The following SLC7A9 variants were observed in gnomAD, a reference collection of about 807,000 sequenced individuals.
SLC7A9 encodes B(0,+)-type amino acid transporter 1.
SLC7A9 carries 38 observed loss-of-function variants against 54.1 expected under a neutral mutation model. That is an observed-to-expected ratio of 0.70 (90% CI 0.54 to 0.92). The LOEUF is 0.92. Ranked by LOEUF, SLC7A9 falls within the 40% of genes least tolerant of loss-of-function variation. The pLI, the probability that SLC7A9 is intolerant of heterozygous loss-of-function variation, is 0.00. For synonymous variants in SLC7A9, 264 were observed against 258.9 expected, an observed-to-expected ratio of 1.02 and a Z score of -0.19; for missense variants, 537 against 636.1, an observed-to-expected ratio of 0.84 and a Z score of 1.68.
chr19:32,858,126 C>T (rs1001764001), intron 9 of SLC7A9, among the ~76,000 whole-genome samples: 7 of 152,218 alleles, frequency 4.6e-5, no homozygotes, highest in Admixed American at 3.3e-4. Flanking sequence ...GCCTCATTCA[C>T]GCGGTGTCGC....
In SLC7A9 at chr19:32,847,686, T is replaced by C. The variant is rs368720669; in HGVS notation, c.978-3735A>G. Among the ~76,000 whole-genome samples, 34 of 152,110 alleles carry C rather than the reference T, an allele frequency of 2.2e-4. 1 individual carries two copies. Among genetic ancestry groups the C allele is most frequent in the African/African-American group, 7.5e-4 (31 of 41,500 alleles). On this transcript the variant is annotated intron_variant, in intron 9 of 12. Coordinates refer to ENST00000023064, the MANE Select transcript of SLC7A9 (RefSeq NM_014270.5). ...ATTCAGATTCAGGAAATACAGAGAA[T>C]GCCACAAAGATACTCCTCGAGAAGG...
chr19:32,835,621 G>A (rs1272782561), intron 11 of SLC7A9, among the ~76,000 whole-genome samples: 2 of 152,054 alleles, frequency 1.3e-5, no homozygotes, highest in Non-Finnish European at 2.9e-5. Context: ...GAAAAAGGAG[G>A]AAAACTTTCA....
Position 32,842,274 on chromosome 19 carries a change from G to A in SLC7A9, c.1118C>T (p.Ser373Leu), listed in dbSNP as rs143618205. 10 of 1,613,794 alleles carry A rather than the reference G, an allele frequency of 6.2e-6. No individual in the cohort carries two copies. Among genetic ancestry groups the A allele is most frequent in the Admixed American group, 1.7e-5 (1 of 59,998 alleles). ...TIYIIPGDIN[S>L]LVNYFSFAAW... ...GGCAAAGCTGAAATAATTGACTAAC[G>A]AGTTTATGTCACCAGGGATGATATA... Residue 373 changes from serine to leucine, a missense_variant, in exon 11 of 13, where the codon TCG (serine) becomes TTG (leucine). Transcript: ENST00000023064.
At chr19:32,852,790 T>A (rs1968505525) in intron 9 of SLC7A9, among the ~76,000 whole-genome samples, 1 of 152,066 alleles carries the variant, frequency 6.6e-6, no homozygotes, top group South Asian at 2.1e-4. Flanking sequence ...ATGCAAGCAG[T>A]ACTTTTGGAA....
chr19:32,865,244 G>C (rs1335786986), intron 2 of SLC7A9, among the ~76,000 whole-genome samples: 1 of 152,212 alleles, frequency 6.6e-6, no homozygotes, highest in Admixed American at 6.5e-5. Context: ...AGGCCTCCCA[G>C]AAACAGAAAC....
chr19:32,857,821 G>C (rs1392494206), intron 9 of SLC7A9, among the ~76,000 whole-genome samples: 2 of 152,138 alleles, frequency 1.3e-5, no homozygotes, highest in African/African-American at 4.8e-5. Flanking sequence ...TAAAGGATTG[G>C]CAAACCACAG....
At chr19:32,853,771 G>A (rs955481254) in intron 9 of SLC7A9, among the ~76,000 whole-genome samples, 1 of 152,016 alleles carries the variant, frequency 6.6e-6, no homozygotes, top group African/African-American at 2.4e-5. Context: ...ACAAAAATTA[G>A]CCAGGTGTGA....
At chr19:32,838,770 TATGCAC>T (rs1968043340) in intron 11 of SLC7A9, among the ~76,000 whole-genome samples, 1 of 148,342 alleles carries the variant, frequency 6.7e-6, no homozygotes, top group East Asian at 2.0e-4. Context: ...TATATACATA[TATGCAC>T]ATATATACAT....
chr19:32,830,547 AAAG>A lies in SLC7A9; in HGVS notation c.*70_*72del. 8.6e-7 allele frequency: 1 copy of A among 1,161,892 alleles called. No homozygotes were observed. Among genetic ancestry groups the A allele is most frequent in the South Asian group, 1.2e-5 (1 of 81,802 alleles). 72.0% of individuals were successfully genotyped at this position (1,161,892 alleles called of 1,614,324 possible). A position where few individuals can be genotyped will look rare whatever the true frequency, so the allele number is the denominator to read the frequency against. ...TGAGTATATTTTATTCGTAAGAAAA[AAAG>A]GAAGAAATAACCACAAATATTGCTT... On this transcript the variant is annotated 3_prime_UTR_variant, in exon 13 of 13. Transcript: ENST00000023064.
intron 2 of SLC7A9, among the ~76,000 whole-genome samples, chr19:32,867,014 T>TC (rs1266508977): frequency 1.3e-5 from 2 of 151,642 alleles, no homozygotes; most frequent in East Asian, 3.9e-4. Context: ...CTTTCTGCCT[T>TC]CCCCCCAGCC....
intron 7 of SLC7A9, chr19:32,860,276 G>A: frequency 7.2e-7 from 1 of 1,393,106 alleles, no homozygotes; most frequent in Non-Finnish European, 9.3e-7. Flanking sequence ...CCATTCGCTG[G>A]CCGGGTGCAG....
At chr19:32,860,443 C>G in intron 7 of SLC7A9, 163 bp downstream of exon 7, 2 of 1,458,498 alleles carry the variant, frequency 1.4e-6, no homozygotes, top group South Asian at 2.8e-5. Context: ...TGCACTCCAG[C>G]CTAGGCAACA....
intron 9 of SLC7A9, among the ~76,000 whole-genome samples, chr19:32,855,526 C>A (rs565717307): frequency 6.6e-6 from 1 of 152,000 alleles, no homozygotes; most frequent in Non-Finnish European, 1.5e-5. Flanking sequence ...GGTGAAACCC[C>A]ATCTCTACTA....
intron 9 of SLC7A9, among the ~76,000 whole-genome samples, chr19:32,854,714 A>C (rs1339857276): frequency 6.6e-6 from 1 of 152,030 alleles, no homozygotes; most frequent in African/African-American, 2.4e-5. Flanking sequence ...CAGCCTCCTG[A>C]GTAGCTGGAA....
At chr19:32,833,007 G>GT (rs1967850394) in intron 12 of SLC7A9, 142 bp downstream of exon 12, 1 of 820,502 alleles carries the variant, frequency 1.2e-6, no homozygotes, top group East Asian at 2.4e-5. Flanking sequence ...CAGTGAGGGC[G>GT]TGGGCATGTG....
chr19:32,860,772 G>A, intron 6 of SLC7A9, 122 bp from the exon 7 acceptor site: 1 of 1,373,898 alleles, frequency 7.3e-7, no homozygotes, highest in Non-Finnish European at 1.0e-6. Flanking sequence ...TCTCCTGCAG[G>A]AATTCCAGGT....
At chr19:32,860,025 C>T (rs375797405) in intron 7 of SLC7A9, 61 bp from the exon 8 acceptor site, 30 of 1,613,248 alleles carry the variant, frequency 1.9e-5, no homozygotes, top group African/African-American at 9.3e-5. Context: ...GGAAGATGGA[C>T]GCCCTCCCTG....
At chr19:32,835,763 TATTTA>T (rs1339609839) in intron 11 of SLC7A9, among the ~76,000 whole-genome samples, 3 of 152,186 alleles carry the variant, frequency 2.0e-5, no homozygotes, top group Non-Finnish European at 4.4e-5. Flanking sequence ...TGGAGTTGTC[TATTTA>T]ATTTGTTTTC....
chr19:32,859,569 AT>A (rs1222253775), intron 8 of SLC7A9, among the ~76,000 whole-genome samples: 1 of 152,034 alleles, frequency 6.6e-6, no homozygotes, highest in Non-Finnish European at 1.5e-5. Flanking sequence ...TTTGCCAAAA[AT>A]ATATATATTT....
Sources: gnomAD v4.1 joint callset for allele counts (sites outside exome capture counted in the v4.1 genomes callset) on GRCh38, gnomAD v4.1.1 for gene constraint, MANE v1.5 for transcripts, NCBI Gene and HGNC (gene_info 2026-07-23, HGNC 2026-07-21) for gene names.